SV2C: variants seen among roughly 807,000 people sequenced by gnomAD.
SV2C encodes the protein solute carrier family 22 member B3.
Under a neutral mutation model 79.7 loss-of-function variants are expected in SV2C, and 49 were observed. That is an observed-to-expected ratio of 0.61 (90% confidence interval 0.49 to 0.78). SV2C has a LOEUF of 0.78. Among genes scored for constraint, SV2C ranks in the 30% least tolerant of loss-of-function variants. SV2C has a pLI of 0.00. For synonymous variants in SV2C, 334 were observed against 333.2 expected, an observed-to-expected ratio of 1.00 and a Z score of -0.03; for missense variants, 833 against 912.9, an observed-to-expected ratio of 0.91 and a Z score of 1.13.
chr5:75,912,443 G>A, the SV2C span, among the ~76,000 whole-genome samples: 342 of 152,190 alleles, frequency 2.2e-3, 2 homozygotes, highest in Admixed American at 4.9e-3. Flanking sequence ...CAGTGGGGTG[G>A]AGCGTTGTAC....
At chr5:76,109,211 C>T (rs1006764789) in intron 1 of SV2C, among the ~76,000 whole-genome samples, 4 of 152,262 alleles carry the variant, frequency 2.6e-5, no homozygotes, top group East Asian at 3.9e-4. Context: ...TAGGATTGTT[C>T]ATGTGTGCTC....
chr5:76,153,984 A>C (rs1742647509), intron 2 of SV2C, among the ~76,000 whole-genome samples: 1 of 152,196 alleles, frequency 6.6e-6, no homozygotes, highest in Non-Finnish European at 1.5e-5. Context: ...GCATGCAGAC[A>C]AGAACCAGGG....
chr5:76,067,497 T>C, the SV2C span, among the ~76,000 whole-genome samples: 1 of 152,028 alleles, frequency 6.6e-6, no homozygotes, highest in African/African-American at 2.4e-5. Flanking sequence ...ACTGAGAGGT[T>C]TGACAAATAT....
At chr5:76,018,231 C>G in the SV2C span, among the ~76,000 whole-genome samples, 1 of 152,266 alleles carries the variant, frequency 6.6e-6, no homozygotes, top group South Asian at 2.1e-4. Flanking sequence ...ACACTGTTCC[C>G]TGCAACTTAA....
At chr5:76,137,219 G>A (rs1749097635) in intron 2 of SV2C, among the ~76,000 whole-genome samples, 1 of 152,198 alleles carries the variant, frequency 6.6e-6, no homozygotes, top group Non-Finnish European at 1.5e-5. Flanking sequence ...AATGATAGCT[G>A]CTATAATAAT....
At chr5:76,340,378 A>AAAG (rs1749418851) in intron 12 of SV2C, among the ~76,000 whole-genome samples, 1 of 152,174 alleles carries the variant, frequency 6.6e-6, no homozygotes, top group African/African-American at 2.4e-5. Context: ...ACTTTACTGC[A>AAAG]TGGACTCACC....
the SV2C span, among the ~76,000 whole-genome samples, chr5:75,895,955 T>C: frequency 6.6e-6 from 1 of 152,150 alleles, no homozygotes; most frequent in Non-Finnish European, 1.5e-5. Flanking sequence ...CTGTTATTTA[T>C]ATATTAAATA....
At position 76,321,300 on chromosome 5, in the gene SV2C, G is replaced by A. The variant is rs980584881; in HGVS notation, c.2001-4064G>A. Among the ~76,000 whole-genome samples the A allele has an allele frequency of 2.2e-4, 33 of 149,398 alleles. No homozygotes were observed. In the South Asian group the frequency reaches 5.3e-3, roughly 24 times the overall value. On this transcript the variant is annotated intron_variant, in intron 12 of 12. Transcript: ENST00000502798. ...ATAAGATGCATTTCCCTCTTAGGGGGAAAAAAAAAACAAGGTATCCAAAAA... is the reference window on the plus strand; with the variant it reads ...ATAAGATGCATTTCCCTCTTAGGGGAAAAAAAAAAACAAGGTATCCAAAAA...
chr5:76,058,877 G>T, the SV2C span, among the ~76,000 whole-genome samples: 1 of 151,782 alleles, frequency 6.6e-6, no homozygotes, highest in Non-Finnish European at 1.5e-5. Flanking sequence ...ATGATCTTTC[G>T]CATTTATTCA....
the SV2C span, among the ~76,000 whole-genome samples, chr5:76,064,325 G>A: frequency 6.6e-6 from 1 of 152,176 alleles, no homozygotes; most frequent in African/African-American, 2.4e-5. Context: ...GAGGAGATGT[G>A]AGCCTTCCAC....
At chr5:76,104,997 T>C (rs1580269049) in intron 1 of SV2C, among the ~76,000 whole-genome samples, 1 of 152,208 alleles carries the variant, frequency 6.6e-6, no homozygotes, top group Non-Finnish European at 1.5e-5. Flanking sequence ...CAAAAAGTCA[T>C]GTTCTCCCAG....
chr5:75,976,533 G>A, the SV2C span, among the ~76,000 whole-genome samples: 5 of 152,012 alleles, frequency 3.3e-5, no homozygotes, highest in East Asian at 1.9e-4. Context: ...GTCCAGTCTC[G>A]GTGGTTACCT....
At position 76,092,754 on chromosome 5, in the gene SV2C, A is replaced by G. The variant is rs372651598; in HGVS notation, c.-102+9242A>G. 3.3e-5 allele frequency among the ~76,000 whole-genome samples: 5 copies of G among 152,082 alleles called. No individual in the cohort carries two copies. In the South Asian group the frequency reaches 8.3e-4, roughly 25 times the overall value. On this transcript the variant is annotated intron_variant, in intron 1 of 12. Coordinates refer to ENST00000502798, the MANE Select transcript of SV2C (RefSeq NM_014979.4). Reference sequence around the variant, plus strand: ...GTGGGCTGGGAATGTTCTCCCTCCTACCATCTCTTCTTCCCCAACTCCCGC... The same window carrying G: ...GTGGGCTGGGAATGTTCTCCCTCCTGCCATCTCTTCTTCCCCAACTCCCGC...
At chr5:75,936,534 C>G in the SV2C span, among the ~76,000 whole-genome samples, 1 of 152,158 alleles carries the variant, frequency 6.6e-6, no homozygotes, top group African/African-American at 2.4e-5. Flanking sequence ...AATTTTATAT[C>G]TAAAGGCCTG....
chr5:75,980,065 ACAAT>A, the SV2C span, among the ~76,000 whole-genome samples: 23 of 152,338 alleles, frequency 1.5e-4, no homozygotes, highest in African/African-American at 5.5e-4. Flanking sequence ...AGAAATACAC[ACAAT>A]CAGAGAATGT....
chr5:76,309,626 C>A (rs67921014), intron 12 of SV2C, among the ~76,000 whole-genome samples: 2,517 of 95,182 alleles, frequency 0.026, 65 homozygotes, highest in African/African-American at 0.044. Context: ...AAAAAAAAAA[C>A]AGAAAGAAAG....
chr5:76,033,166 G>T, the SV2C span, among the ~76,000 whole-genome samples: 2 of 151,754 alleles, frequency 1.3e-5, no homozygotes, highest in African/African-American at 2.4e-5. Context: ...CAGATGAGTA[G>T]GTTGCAAAAA....
chr5:75,911,126 A>G, the SV2C span: 3 of 1,550,586 alleles, frequency 1.9e-6, no homozygotes, highest in Non-Finnish European at 2.7e-6. Context: ...CACTTAGAAG[A>G]TGAGGAAATA....
At chr5:75,920,774 G>A in the SV2C span, 6 of 779,932 alleles carry the variant, frequency 7.7e-6, no homozygotes, top group Non-Finnish European at 1.4e-5. Flanking sequence ...GGGTCCCGTT[G>A]GGGTGCTTGA....
Sources: allele counts gnomAD v4.1 joint callset (sites outside exome capture counted in the v4.1 genomes callset), GRCh38; gene constraint gnomAD v4.1.1; transcripts MANE v1.5; gene names NCBI Gene and HGNC (gene_info 2026-07-23, HGNC 2026-07-21).